Variants in TSHZ2 observed in about 807,000 individuals in gnomAD.
TSHZ2 encodes the protein teashirt homolog 2.
In TSHZ2, 21 loss-of-function variants were observed where a neutral mutation model predicts 74.4. That is an observed-to-expected ratio of 0.28 (90% confidence interval 0.20 to 0.41). The LOEUF is 0.41. Among genes scored for constraint, TSHZ2 ranks in the 10% least tolerant of loss-of-function variants. The pLI is 1.00. For synonymous variants in TSHZ2, 540 were observed against 515.3 expected, an observed-to-expected ratio of 1.05 and a Z score of -0.65; for missense variants, 1,244 against 1,293.5, an observed-to-expected ratio of 0.96 and a Z score of 0.59.
chr20:52,978,959 T>A (rs1278943567), intron 1 of TSHZ2, among the ~76,000 whole-genome samples: 1 of 146,076 alleles, frequency 6.8e-6, no homozygotes, highest in African/African-American at 2.5e-5. Context: ...TATTTTTAAT[T>A]TTTTTTTTAA....
At chr20:53,119,385 C>T (rs1037552665) in intron 1 of TSHZ2, among the ~76,000 whole-genome samples, 13 of 152,162 alleles carry the variant, frequency 8.5e-5, no homozygotes, top group South Asian at 4.2e-4. Context: ...CAAATAGGGA[C>T]GAGACACAAC....
chr20:53,423,127 C>A (rs415538), intron 2 of TSHZ2, among the ~76,000 whole-genome samples: 151,585 of 152,354 alleles, frequency 0.99, 75,411 homozygotes, highest in Middle Eastern at 1. Flanking sequence ...GGTTGGGCGC[C>A]GTGGCTTATG....
intron 2 of TSHZ2, among the ~76,000 whole-genome samples, chr20:53,382,829 G>GC (rs1270516425): frequency 1.3e-5 from 2 of 152,340 alleles, no homozygotes; most frequent in African/African-American, 4.8e-5. Context: ...GAGTCCTGTG[G>GC]CTTGGGTTTG....
At chr20:53,472,227 C>T (rs6097432) in intron 2 of TSHZ2, among the ~76,000 whole-genome samples, 30,709 of 152,208 alleles carry the variant, frequency 0.2, 3,286 homozygotes, top group East Asian at 0.29. Context: ...AAACAGCCCA[C>T]TGAGCGAATG....
intron 1 of TSHZ2, among the ~76,000 whole-genome samples, chr20:52,987,851 A>G (rs901829378): frequency 6.6e-6 from 1 of 152,144 alleles, no homozygotes; most frequent in Non-Finnish European, 1.5e-5. Flanking sequence ...GACAAGAAAG[A>G]AGCAAAAGGG....
In TSHZ2 at chr20:53,254,358, C is replaced by A; in HGVS notation, c.900C>A (p.Tyr300Ter). ...LSVHMIKTKH[Y>*]QKVPLKEPVP... ...TCCACATGATTAAAACAAAACATTA[C>A]CAAAAAGTGCCTTTGAAGGAGCCAG... The change falls in exon 2 of 3, where the codon TAC becomes TAA. Residue 300 changes from tyrosine to a stop codon, truncating the protein, a stop_gained. Transcript: ENST00000371497. LOFTEE classifies it high-confidence loss of function. 1 of 1,614,148 alleles carries A rather than the reference C, an allele frequency of 6.2e-7. No homozygotes were observed. The highest frequency in any genetic ancestry group is 8.5e-7 in the Non-Finnish European group (1 of 1,180,030).
intron 1 of TSHZ2, among the ~76,000 whole-genome samples, chr20:53,155,768 G>C (rs550945488): frequency 6.6e-6 from 1 of 152,214 alleles, no homozygotes; most frequent in Admixed American, 6.5e-5. Context: ...GGGTTACCTG[G>C]TAGATCTCAA....
intron 1 of TSHZ2, among the ~76,000 whole-genome samples, chr20:53,021,220 C>G (rs570501216): frequency 9.2e-5 from 14 of 152,300 alleles, no homozygotes; most frequent in African/African-American, 3.4e-4. Flanking sequence ...AACTGAATAA[C>G]TGAACCACTT....
intron 1 of TSHZ2, chr20:53,168,675 C>T (rs1251151104): frequency 6.6e-6 from 1 of 152,114 alleles, no homozygotes; most frequent in Non-Finnish European, 1.5e-5. Flanking sequence ...TTATGTTTCA[C>T]ATGTACAAAG....
At chr20:53,216,046 C>T (rs1440044047) in intron 1 of TSHZ2, among the ~76,000 whole-genome samples, 1 of 152,084 alleles carries the variant, frequency 6.6e-6, no homozygotes, top group African/African-American at 2.4e-5. Flanking sequence ...TTGGCCAAGA[C>T]CTTCTTCCCC....
At chr20:53,140,411 G>T (rs529323983) in intron 1 of TSHZ2, among the ~76,000 whole-genome samples, 1 of 151,766 alleles carries the variant, frequency 6.6e-6, no homozygotes, top group Admixed American at 6.5e-5. Flanking sequence ...GAGGTGGCAG[G>T]CGCCTGTAGT....
At chr20:53,384,245 G>A (rs755226718) in intron 2 of TSHZ2, among the ~76,000 whole-genome samples, 2 of 152,120 alleles carry the variant, frequency 1.3e-5, no homozygotes, top group Non-Finnish European at 2.9e-5. Context: ...CTTACAAATA[G>A]CAGGAAGAAA....
At chr20:53,131,829 C>T (rs941187025) in intron 1 of TSHZ2, among the ~76,000 whole-genome samples, 1 of 115,726 alleles carries the variant, frequency 8.6e-6, no homozygotes, top group East Asian at 2.5e-4. Flanking sequence ...ACCCCCCCCC[C>T]CCCCCAAAAA....
chr20:53,133,647 G>C (rs1453468181), intron 1 of TSHZ2, among the ~76,000 whole-genome samples: 1 of 152,086 alleles, frequency 6.6e-6, no homozygotes, highest in African/African-American at 2.4e-5. Flanking sequence ...TGTATATTCA[G>C]TGTTCCAAGA....
At chr20:53,316,454 A>T (rs1979023391) in intron 2 of TSHZ2, among the ~76,000 whole-genome samples, 1 of 152,220 alleles carries the variant, frequency 6.6e-6, no homozygotes, top group Non-Finnish European at 1.5e-5. Flanking sequence ...ATGCAGGCAG[A>T]GAAATGATGA....
chr20:53,389,264 C>A (rs1982164492), intron 2 of TSHZ2, among the ~76,000 whole-genome samples: 1 of 152,208 alleles, frequency 6.6e-6, no homozygotes, highest in Admixed American at 6.5e-5. Context: ...TCTGCAATAT[C>A]ATTCATACCA....
At chr20:53,098,330 A>G (rs1414705446) in intron 1 of TSHZ2, among the ~76,000 whole-genome samples, 1 of 152,246 alleles carries the variant, frequency 6.6e-6, no homozygotes, top group Non-Finnish European at 1.5e-5. Flanking sequence ...AGTAAATTAG[A>G]TAATCTTTGT....
chr20:52,993,534 T>C (rs1351399324), intron 1 of TSHZ2, among the ~76,000 whole-genome samples: 1 of 152,226 alleles, frequency 6.6e-6, no homozygotes, highest in African/African-American at 2.4e-5. Context: ...GTTTGACTTT[T>C]GAATCTGCCA....
chr20:53,346,953 G>C (rs1401513661), intron 2 of TSHZ2, among the ~76,000 whole-genome samples: 1 of 152,178 alleles, frequency 6.6e-6, no homozygotes, highest in Admixed American at 6.5e-5. Context: ...ACTGATGACA[G>C]TCTTGGAGTG....
Sources: allele counts gnomAD v4.1 joint callset (sites outside exome capture counted in the v4.1 genomes callset), GRCh38; gene constraint gnomAD v4.1.1; transcripts MANE v1.5; gene names NCBI Gene and HGNC (gene_info 2026-07-23, HGNC 2026-07-21).